The following PLXDC2 variants were observed in gnomAD, a reference collection of about 807,000 sequenced individuals.
PLXDC2 encodes plexin domain containing 2.
PLXDC2 carries 40 observed loss-of-function variants against 68.9 expected under a neutral mutation model. The ratio of observed to expected loss-of-function variants is 0.58; its 90% CI spans 0.45 to 0.76. The LOEUF (loss-of-function observed/expected upper bound fraction) is 0.76. Ranked by LOEUF, PLXDC2 falls within the 30% of genes least tolerant of loss-of-function variation. The pLI is 0.00. For synonymous variants in PLXDC2, 243 were observed against 234.2 expected (o/e 1.04, Z -0.34); for missense variants, 644 against 661.9 (o/e 0.97, Z 0.30).
chr10:19,846,776 C>T lies in PLXDC2; in HGVS notation c.112+29585C>T, dbSNP rs569926887. The stretch of plus-strand genomic sequence containing the variant: ...TCTGGCATCAAGTGGCCATCTCAGA[C>T]GTGTGACAAGCTTCCTGTATTTGTC... On this transcript the variant is annotated intron_variant, in intron 1 of 13. Transcript: ENST00000377252. Among the ~76,000 whole-genome samples the T allele has an allele frequency of 9.1e-4, 139 of 152,224 alleles. 1 individual carries two copies. The highest frequency in any genetic ancestry group is 1.7e-3 in the Non-Finnish European group (116 of 68,004).
At chr10:20,211,368 A>G (rs1835067130) in intron 9 of PLXDC2, among the ~76,000 whole-genome samples, 1 of 152,188 alleles carries the variant, frequency 6.6e-6, no homozygotes, top group African/African-American at 2.4e-5. Context: ...ACTTCATAGA[A>G]GAGCGATTGG....
intron 6 of PLXDC2, among the ~76,000 whole-genome samples, chr10:20,162,038 AAGAAAGAGAGAG>A (rs1288195375): frequency 4.6e-5 from 2 of 43,404 alleles, no homozygotes; most frequent in South Asian, 5.8e-4. Flanking sequence ...GAAAGAAAGA[AAGAAAGAGAGAG>A]AGAGAGAGAG....
intron 12 of PLXDC2, among the ~76,000 whole-genome samples, chr10:20,237,177 G>A (rs79547563): frequency 0.014 from 2,115 of 152,122 alleles, 43 homozygotes; most frequent in African/African-American, 0.047. Context: ...TTTGTGCACC[G>A]GCTTTTATAT....
intron 9 of PLXDC2, among the ~76,000 whole-genome samples, chr10:20,196,327 A>G (rs1012869160): frequency 6.6e-6 from 1 of 152,194 alleles, no homozygotes; most frequent in Admixed American, 6.6e-5. Context: ...GGAGGATTTC[A>G]TGTGGATTTT....
chr10:19,899,263 T>C (rs1336796548), intron 1 of PLXDC2, among the ~76,000 whole-genome samples: 4 of 152,208 alleles, frequency 2.6e-5, no homozygotes, highest in African/African-American at 4.8e-5. Context: ...ATTACACTTA[T>C]GTAAAATGTG....
In PLXDC2 at chr10:20,158,349, G is replaced by C. The variant is rs75567963; in HGVS notation, c.784-6119G>C. On this transcript the variant is annotated intron_variant, in intron 6 of 13. Transcript: ENST00000377252. The stretch of plus-strand genomic sequence containing the variant: ...AACATGTTCATTCTTGTGCTAATTT[G>C]CCCAATACTTCTAAATAGCTATACT... Among the ~76,000 whole-genome samples the C allele has an allele frequency of 8.4e-3, 1,272 of 151,842 alleles. 18 individuals carry two copies. Among genetic ancestry groups the C allele is most frequent in the African/African-American group, 0.029 (1,191 of 41,390 alleles).
At chr10:20,057,800 CA>C (rs1181494314) in intron 3 of PLXDC2, among the ~76,000 whole-genome samples, 2 of 151,466 alleles carry the variant, frequency 1.3e-5, no homozygotes, top group East Asian at 3.9e-4. Flanking sequence ...CTGTAGGATG[CA>C]AAAAGGATGT....
chr10:20,029,476 A>T (rs930246256), intron 2 of PLXDC2, among the ~76,000 whole-genome samples: 2 of 152,144 alleles, frequency 1.3e-5, no homozygotes, highest in Non-Finnish European at 2.9e-5. Flanking sequence ...GTTTTCCCAT[A>T]TATTTCTTTT....
chr10:19,838,822 CA>C, intron 1 of PLXDC2, among the ~76,000 whole-genome samples: 1 of 152,148 alleles, frequency 6.6e-6, no homozygotes, highest in East Asian at 1.9e-4. Flanking sequence ...TTGTGGTGCT[CA>C]CCAGTGAATT....
intron 4 of PLXDC2, among the ~76,000 whole-genome samples, chr10:20,072,493 G>GAGAAAGAA (rs55848042): frequency 0.097 from 7,816 of 80,668 alleles, 599 homozygotes; most frequent in Non-Finnish European, 0.12. Flanking sequence ...AAGAAAGAAA[G>GAGAAAGAA]AGAAAGAAAG....
chr10:19,990,350 C>T (rs1834727323), intron 1 of PLXDC2, among the ~76,000 whole-genome samples: 1 of 152,122 alleles, frequency 6.6e-6, no homozygotes, highest in African/African-American at 2.4e-5. Context: ...TAGTCTTACA[C>T]TAAAGTAGGC....
chr10:20,185,443 G>T (rs180832523), intron 9 of PLXDC2, among the ~76,000 whole-genome samples: 1 of 152,014 alleles, frequency 6.6e-6, no homozygotes, highest in East Asian at 2.0e-4. Flanking sequence ...TCCTTCAGGG[G>T]CATATAAAGC....
intron 9 of PLXDC2, among the ~76,000 whole-genome samples, chr10:20,194,582 A>C (rs1338106091): frequency 6.6e-6 from 1 of 151,984 alleles, no homozygotes; most frequent in African/African-American, 2.4e-5. Flanking sequence ...ATATCTTTTG[A>C]AAGATGTAAA....
At chr10:20,263,062 C>CA (rs1835829267) in intron 13 of PLXDC2, among the ~76,000 whole-genome samples, 2 of 152,268 alleles carry the variant, frequency 1.3e-5, no homozygotes, top group South Asian at 4.1e-4. Flanking sequence ...CAATCCTGAG[C>CA]AAAAAGAACA....
chr10:19,961,737 G>A (rs541151100), intron 1 of PLXDC2, among the ~76,000 whole-genome samples: 4 of 152,300 alleles, frequency 2.6e-5, no homozygotes, highest in East Asian at 1.9e-4. Context: ...AGGAAGCATC[G>A]CAGTGACCTA....
intron 1 of PLXDC2, among the ~76,000 whole-genome samples, chr10:19,905,187 C>T (rs921712559): frequency 6.6e-6 from 1 of 152,156 alleles, no homozygotes; most frequent in Admixed American, 6.5e-5. Context: ...GCACAGTTTA[C>T]TTTTCTCTTT....
At chr10:20,107,054 A>G (rs1275196861) in intron 4 of PLXDC2, among the ~76,000 whole-genome samples, 1 of 148,424 alleles carries the variant, frequency 6.7e-6, no homozygotes, top group African/African-American at 2.5e-5. Context: ...TAGTATGTAT[A>G]TACACTATAT....
chr10:20,062,476 A>G (rs1197547906), intron 3 of PLXDC2, among the ~76,000 whole-genome samples: 1 of 152,134 alleles, frequency 6.6e-6, no homozygotes, highest in Non-Finnish European at 1.5e-5. Flanking sequence ...AGGTTAAATA[A>G]TGTATGAAAT....
At chr10:20,112,525 A>G (rs1833572864) in intron 4 of PLXDC2, among the ~76,000 whole-genome samples, 2 of 152,182 alleles carry the variant, frequency 1.3e-5, no homozygotes, top group Non-Finnish European at 2.9e-5. Context: ...GTGAGACAGT[A>G]TCCCATGGGC....
Sources: allele counts gnomAD v4.1 joint callset (sites outside exome capture counted in the v4.1 genomes callset), GRCh38; gene constraint gnomAD v4.1.1; transcripts MANE v1.5; gene names NCBI Gene and HGNC (gene_info 2026-07-23, HGNC 2026-07-21).